The following PLEKHA7 variants were observed in gnomAD, a reference collection of about 807,000 sequenced individuals.
The protein encoded by PLEKHA7 is pleckstrin homology domain containing A7, also known as pleckstrin homology domain-containing family A member 7.
In PLEKHA7, 104 loss-of-function variants were observed where a neutral mutation model predicts 170.0. That is an observed-to-expected ratio of 0.61 (90% CI 0.52 to 0.72). The LOEUF (loss-of-function observed/expected upper bound fraction) is 0.72. Ranked by LOEUF, PLEKHA7 falls within the 30% of genes least tolerant of loss-of-function variation. The pLI, the probability that PLEKHA7 is intolerant of heterozygous loss-of-function variation, is 0.00. For synonymous variants in PLEKHA7, 648 were observed against 660.8 expected, an observed-to-expected ratio of 0.98 and a Z score of 0.30; for missense variants, 1,615 against 1,671.7, an observed-to-expected ratio of 0.97 and a Z score of 0.59.
chr11:16,997,434 G>C (rs1157001917), intron 3 of PLEKHA7, among the ~76,000 whole-genome samples: 1 of 152,162 alleles, frequency 6.6e-6, no homozygotes, highest in African/African-American at 2.4e-5. Context: ...GTGGGGCTAG[G>C]GTGGGGGTTC....
intron 3 of PLEKHA7, among the ~76,000 whole-genome samples, chr11:16,973,096 G>C (rs889999197): frequency 2.3e-4 from 35 of 152,152 alleles, no homozygotes; most frequent in Non-Finnish European, 1.0e-4. Context: ...GTGAAGACTG[G>C]GTGGGCCCAT....
chr11:16,824,789 C>T (rs776853164), intron 10 of PLEKHA7, among the ~76,000 whole-genome samples: 3 of 152,166 alleles, frequency 2.0e-5, no homozygotes, highest in Non-Finnish European at 4.4e-5. Context: ...AATTCAAATG[C>T]CTTACTTTGG....
chr11:16,915,479 A>G (rs370420315), intron 3 of PLEKHA7, among the ~76,000 whole-genome samples: 10 of 151,450 alleles, frequency 6.6e-5, no homozygotes, highest in Middle Eastern at 6.8e-3. Context: ...GTCATCTAGC[A>G]TTAGGCATAT....
intron 3 of PLEKHA7, among the ~76,000 whole-genome samples, chr11:16,961,592 G>A (rs1278216432): frequency 1.3e-5 from 2 of 152,182 alleles, no homozygotes; most frequent in African/African-American, 4.8e-5. Context: ...TCTCCCCTGG[G>A]CAGCATCATC....
At position 16,789,681 on chromosome 11, in the gene PLEKHA7, G is replaced by C. The variant is rs1454472633; in HGVS notation, c.3156+94C>G. The C allele has an allele frequency of 8.7e-7, 1 of 1,153,116 alleles. No individual in the cohort carries two copies. The highest frequency in any genetic ancestry group is 1.5e-5 in the African/African-American group (1 of 65,456). The allele number at this position is 1,153,116 out of a possible 1,614,324, so 71.4% of individuals were successfully genotyped here. A position where few individuals can be genotyped will look rare whatever the true frequency, so the allele number is the denominator to read the frequency against. ...GAGGCCACCCCAGAGGCCATCCCCA[G>C]GGCTGAAGGGATGGCCAGTTACTGT... is the stretch of plus-strand genomic sequence containing the variant. On this transcript the variant is annotated intron_variant, in intron 22 of 26. Coordinates refer to ENST00000531066, the MANE Select transcript of PLEKHA7 (RefSeq NM_001329630.2). The surrounding 1 kb of genome is among the most constrained non-coding windows in gnomAD (Gnocchi z 4.6).
intron 3 of PLEKHA7, among the ~76,000 whole-genome samples, chr11:16,980,236 A>T (rs559801512): frequency 4.1e-4 from 62 of 152,386 alleles, no homozygotes; most frequent in African/African-American, 1.4e-3. Flanking sequence ...GAGCCCTCGC[A>T]GCATGTCAGA....
At chr11:16,956,736 C>T (rs1238083636) in intron 3 of PLEKHA7, among the ~76,000 whole-genome samples, 2 of 152,178 alleles carry the variant, frequency 1.3e-5, no homozygotes, top group African/African-American at 4.8e-5. Context: ...CTATAAAAGA[C>T]ATCTCAGCCA....
intron 3 of PLEKHA7, among the ~76,000 whole-genome samples, chr11:16,888,905 T>TA (rs58570999): frequency 2.8e-4 from 36 of 129,642 alleles, no homozygotes; most frequent in East Asian, 8.9e-4. Context: ...AGGGGGAAGA[T>TA]AAAAAAAAAA....
At chr11:16,894,726 AAC>A (rs1408113367) in intron 3 of PLEKHA7, among the ~76,000 whole-genome samples, 3 of 152,104 alleles carry the variant, frequency 2.0e-5, no homozygotes, top group African/African-American at 7.2e-5. Flanking sequence ...CCATAACCCT[AAC>A]AGAGAGCCCG....
At chr11:16,804,597 G>A (rs987764849) in intron 13 of PLEKHA7, among the ~76,000 whole-genome samples, 1 of 152,130 alleles carries the variant, frequency 6.6e-6, no homozygotes, top group Non-Finnish European at 1.5e-5. Context: ...CCATTCCCAC[G>A]ATCCCTTTGG....
At position 16,783,844 on chromosome 11, in the gene PLEKHA7, G is replaced by C. The variant is rs1394519453; in HGVS notation, c.3517-11C>G. 6.9e-7 allele frequency: 1 copy of C among 1,447,500 alleles called. No individual in the cohort carries two copies. Among genetic ancestry groups the C allele is most frequent in the Admixed American group, 2.6e-5 (1 of 38,286 alleles). 89.7% of individuals were successfully genotyped at this position (1,447,500 alleles called of 1,614,324 possible). A position where few individuals can be genotyped will look rare whatever the true frequency, so the allele number is the denominator to read the frequency against. On this transcript the variant is annotated splice_polypyrimidine_tract_variant and intron_variant, in intron 24 of 26. Transcript: ENST00000531066. ...CTCTGGTTTGGACAGCTGGGGAGAG[G>C]CCAGGAGGTGGCAGAGGGAGAGGCT...
chr11:16,920,767 G>A (rs1199233484), intron 3 of PLEKHA7, among the ~76,000 whole-genome samples: 4 of 152,198 alleles, frequency 2.6e-5, no homozygotes, highest in Non-Finnish European at 4.4e-5. Context: ...TGCTACAGGA[G>A]CAGAGTGCAC....
chr11:16,888,127 C>T (rs1856298432), intron 3 of PLEKHA7, among the ~76,000 whole-genome samples: 2 of 152,020 alleles, frequency 1.3e-5, no homozygotes, highest in African/African-American at 4.8e-5. Context: ...GCAGCCGCCC[C>T]ATCTGAGAAG....
At chr11:16,818,806 C>A (rs1849978655) in intron 10 of PLEKHA7, among the ~76,000 whole-genome samples, 1 of 150,372 alleles carries the variant, frequency 6.7e-6, no homozygotes, top group Non-Finnish European at 1.5e-5. Flanking sequence ...TTTTTTCTCT[C>A]TTTTTTTTCT....
chr11:16,978,575 G>A (rs2136811830), intron 3 of PLEKHA7, among the ~76,000 whole-genome samples: 1 of 152,310 alleles, frequency 6.6e-6, no homozygotes, highest in Middle Eastern at 3.4e-3. Flanking sequence ...TAGAAAAACA[G>A]ATCTGCAGCA....
intron 3 of PLEKHA7, among the ~76,000 whole-genome samples, chr11:16,899,234 C>T (rs746957912): frequency 2.6e-5 from 4 of 152,164 alleles, no homozygotes; most frequent in Non-Finnish European, 4.4e-5. Context: ...CGGTGGCTCA[C>T]GCCTGTAATC....
Position 16,783,690 on chromosome 11 carries a change from G to C in PLEKHA7, c.3650+10C>G, listed in dbSNP as rs908748714. The C allele has an allele frequency of 7.0e-7, 1 of 1,428,924 alleles. No individual in the cohort carries two copies. Among genetic ancestry groups the C allele is most frequent in the South Asian group, 1.5e-5 (1 of 67,512 alleles). 88.5% of individuals were successfully genotyped at this position (1,428,924 alleles called of 1,614,324 possible). ...GTGACCTGCCAACACTTGAGCAAGC[G>C]AGGGCTGACCTTGACCGGGCGAGGA... On this transcript the variant is annotated intron_variant, in intron 25 of 26. Transcript: ENST00000531066.
chr11:16,903,149 A>T (rs1007479807), intron 3 of PLEKHA7, among the ~76,000 whole-genome samples: 13 of 152,240 alleles, frequency 8.5e-5, no homozygotes, highest in African/African-American at 3.1e-4. Context: ...TCACTGTATT[A>T]AATCCATTTC....
rs1442623101 is a variant in PLEKHA7, at chr11:16,817,952, A to G, written c.1344-630T>C. Among the ~76,000 whole-genome samples, 1 of 152,160 alleles carries G rather than the reference A, an allele frequency of 6.6e-6. No individual in the cohort carries two copies. The highest frequency in any genetic ancestry group is 1.5e-5 in the Non-Finnish European group (1 of 68,024). On this transcript the variant is annotated intron_variant, in intron 10 of 26. Transcript: ENST00000531066. This position sits in a 1 kb window ranked among gnomAD's most constrained non-coding sequence, Gnocchi z 4.4. ...CTCAGCCTGGTACTCACAGCTCGCT[A>G]GCAGCTGACCTCAACACCCACCTTG...
Sources: allele counts gnomAD v4.1 joint callset (sites outside exome capture counted in the v4.1 genomes callset), GRCh38; gene constraint gnomAD v4.1.1; non-coding constraint Gnocchi (gnomAD v3.1); transcripts MANE v1.5; gene names NCBI Gene and HGNC (gene_info 2026-07-23, HGNC 2026-07-21).